ZNF14: variants seen among roughly 807,000 people sequenced by gnomAD.
ZNF14 encodes gonadotropin inducible transcription repressor-4.
Under a neutral mutation model 11.3 loss-of-function variants are expected in ZNF14, and 9 were observed. The ratio of observed to expected loss-of-function variants is 0.80; its 90% CI spans 0.48 to 1.39. The LOEUF (loss-of-function observed/expected upper bound fraction) is 1.39, where lower values mean the gene tolerates loss of function less well. ZNF14 is among the 40% of genes most tolerant of loss of function. The pLI, the probability that ZNF14 is intolerant of heterozygous loss-of-function variation, is 0.00. For missense variants in ZNF14, 711 were observed against 763.9 expected, an observed-to-expected ratio of 0.93 and a Z score of 0.82; for synonymous variants, 239 against 245.7, an observed-to-expected ratio of 0.97 and a Z score of 0.25.
intron 1 of ZNF14, among the ~76,000 whole-genome samples, chr19:19,726,953 G>T (rs1429568294): frequency 7.5e-6 from 1 of 133,724 alleles, no homozygotes; most frequent in Non-Finnish European, 1.7e-5. Context: ...TATTAGGGTG[G>T]AAGTGTCCCG....
Position 19,711,305 on chromosome 19 carries a change from CAGA to C in ZNF14, c.*44_*46del. Reference sequence around the variant, plus strand: ...TCCAGTATGAACTCTTTTGTGTATTCAGAAGGAGCTGGAACAACCGAAGGCTTC... The same window carrying C: ...TCCAGTATGAACTCTTTTGTGTATTCAGGAGCTGGAACAACCGAAGGCTTC... On this transcript the variant is annotated 3_prime_UTR_variant, in exon 4 of 4. Coordinates refer to ENST00000344099, the MANE Select transcript of ZNF14 (RefSeq NM_021030.3). 2 of 1,516,438 alleles carry C rather than the reference CAGA, an allele frequency of 1.3e-6. No individual in the cohort carries two copies. The highest frequency in any genetic ancestry group is 1.4e-5 in the South Asian group (1 of 72,944). 93.9% of individuals were successfully genotyped at this position (1,516,438 alleles called of 1,614,324 possible). A position where few individuals can be genotyped will look rare whatever the true frequency, so the allele number is the denominator to read the frequency against.
intron 1 of ZNF14, among the ~76,000 whole-genome samples, chr19:19,723,042 C>T (rs2062397250): frequency 1.3e-5 from 2 of 152,162 alleles, no homozygotes; most frequent in Admixed American, 1.3e-4. Flanking sequence ...ATTTGACTTC[C>T]TCTTTTCCTA....
intron 1 of ZNF14, among the ~76,000 whole-genome samples, chr19:19,715,813 T>C (rs565283686): frequency 2.6e-5 from 4 of 152,346 alleles, no homozygotes; most frequent in South Asian, 2.1e-4. Context: ...TTTTTGCTTA[T>C]ACATTTTTAA....
intron 3 of ZNF14, among the ~76,000 whole-genome samples, 183 bp downstream of exon 3, chr19:19,713,908 T>G (rs2145094236): frequency 6.6e-6 from 1 of 152,216 alleles, no homozygotes; most frequent in South Asian, 2.1e-4. Context: ...ATAAAAGGGG[T>G]TTCTAAATGC....
At chr19:19,715,123 A>G (rs1459676311) in intron 1 of ZNF14, among the ~76,000 whole-genome samples, 1 of 152,264 alleles carries the variant, frequency 6.6e-6, no homozygotes, top group East Asian at 1.9e-4. Context: ...ACAAATTTTA[A>G]GACCATTAAT....
chr19:19,724,940 C>T lies in ZNF14; in HGVS notation c.3+8016G>A, dbSNP rs1379687780. 4.5e-5 allele frequency among the ~76,000 whole-genome samples: 6 copies of T among 133,222 alleles called. 2 individuals carry two copies. The highest frequency in any genetic ancestry group is 1.4e-4 in the African/African-American group (5 of 35,962). 87.4% of individuals were successfully genotyped at this position (133,222 alleles called of 152,430 possible). On this transcript the variant is annotated intron_variant, in intron 1 of 3. Transcript: ENST00000344099. Reference sequence around the variant, plus strand: ...TTTGTTTTCCATTTGGTTGGTAGATCTTCCTTTGTCCCTTTATCTTGAGCC... The same window carrying T: ...TTTGTTTTCCATTTGGTTGGTAGATTTTCCTTTGTCCCTTTATCTTGAGCC...
chr19:19,719,910 T>A (rs2062387946), intron 1 of ZNF14, among the ~76,000 whole-genome samples: 1 of 152,046 alleles, frequency 6.6e-6, no homozygotes, highest in Non-Finnish European at 1.5e-5. Context: ...ATGCTAACAC[T>A]AAGAAAAAGA....
chr19:19,720,062 CAG>C lies in ZNF14; in HGVS notation c.4-5577_4-5576del, dbSNP rs1324102909. ...TCCTTAGTGTGTATGTGCATAAAAA[CAG>C]AGTGGCAAAATAATGAGGCAAAACT... On this transcript the variant is annotated intron_variant, in intron 1 of 3. Coordinates refer to ENST00000344099, the MANE Select transcript of ZNF14 (RefSeq NM_021030.3). The surrounding 1 kb of genome is among the most constrained non-coding windows in gnomAD (Gnocchi z 4.1). Among the ~76,000 whole-genome samples the C allele has an allele frequency of 1.3e-5, 2 of 152,084 alleles. No homozygotes were observed. Among genetic ancestry groups the C allele is most frequent in the Non-Finnish European group, 1.5e-5 (1 of 68,024 alleles).
intron 1 of ZNF14, among the ~76,000 whole-genome samples, chr19:19,715,267 C>T (rs925694650): frequency 6.6e-6 from 1 of 152,058 alleles, no homozygotes; most frequent in Non-Finnish European, 1.5e-5. Context: ...TTCTTTTATT[C>T]CCATCAACAA....
At chr19:19,732,211 T>C (rs1279556962) in intron 1 of ZNF14, among the ~76,000 whole-genome samples, 4 of 152,144 alleles carry the variant, frequency 2.6e-5, no homozygotes, top group African/African-American at 9.7e-5. Flanking sequence ...TAAAAGAACC[T>C]GAACAAGCTC....
intron 1 of ZNF14, among the ~76,000 whole-genome samples, chr19:19,715,672 C>T (rs1978716): frequency 0.2 from 30,000 of 152,152 alleles, 3,722 homozygotes; most frequent in East Asian, 0.27. Flanking sequence ...GCTAGAGAAA[C>T]AGTCTTCACA....
rs1327549356 is a variant in ZNF14 at position 19,711,166 on chromosome 19, T to G, written c.*186A>C. 12 of 550,420 alleles carry G rather than the reference T, an allele frequency of 2.2e-5. No homozygotes were observed. Among genetic ancestry groups the G allele is most frequent in the Admixed American group, 1.1e-4 (3 of 26,718 alleles). The allele number at this position is 550,420 out of a possible 1,614,324, so 34.1% of individuals were successfully genotyped here. A position where few individuals can be genotyped will look rare whatever the true frequency, so the allele number is the denominator to read the frequency against. On this transcript the variant is annotated 3_prime_UTR_variant, in exon 4 of 4. Transcript: ENST00000344099. ...AAATGAATTAGGTCAACTGAAGGCT[T>G]AATCACAATGTTTACATTCATACTG...
intron 1 of ZNF14, among the ~76,000 whole-genome samples, chr19:19,721,315 G>T (rs1423760332): frequency 6.6e-6 from 1 of 152,138 alleles, no homozygotes; most frequent in African/African-American, 2.4e-5. Context: ...GGAAGACAAT[G>T]ATACAAAGAT....
At position 19,732,901 on chromosome 19, in the gene ZNF14, C is replaced by A. The variant is rs768003468; in HGVS notation, c.3+55G>T. ...ACTGCAAGGAGGTCCCCGGCCTCGG[C>A]CACAGACGGTTCCAACCAGAAACCT... On this transcript the variant is annotated intron_variant, in intron 1 of 3. Coordinates refer to ENST00000344099, the MANE Select transcript of ZNF14 (RefSeq NM_021030.3). 29 of 1,609,780 alleles carry A rather than the reference C, an allele frequency of 1.8e-5. 1 individual carries two copies. Among genetic ancestry groups the A allele is most frequent in the Non-Finnish European group, 2.3e-5 (27 of 1,177,282 alleles).
rs3031866 is a variant in ZNF14, at chr19:19,714,713, CT to C, written c.4-227del. ...TTTTTTCTTTTTCCTTTTTCTTTTT[CT>C]TTTTTTTTTTTTTTTGAGACAGAGT... On this transcript the variant is annotated intron_variant, in intron 1 of 3. Coordinates refer to ENST00000344099, the MANE Select transcript of ZNF14 (RefSeq NM_021030.3). Among the ~76,000 whole-genome samples the C allele has an allele frequency of 7.9e-4, 97 of 122,824 alleles. 1 individual carries two copies. The highest frequency in any genetic ancestry group is 2.7e-3 in the South Asian group (10 of 3,700). The allele number at this position is 122,824 out of a possible 152,430, so 80.6% of individuals were successfully genotyped here. A position where few individuals can be genotyped will look rare whatever the true frequency, so the allele number is the denominator to read the frequency against.
At position 19,712,217 on chromosome 19, in the gene ZNF14, C is replaced by T; in HGVS notation, c.1064G>A (p.Arg355Lys). 1 of 1,613,964 alleles carries T rather than the reference C, an allele frequency of 6.2e-7. No homozygotes were observed. Among genetic ancestry groups the T allele is most frequent in the Non-Finnish European group, 8.5e-7 (1 of 1,179,978 alleles). The change falls in exon 4 of 4, where the codon AGA (arginine) becomes AAA (lysine). Residue 355 changes from arginine to lysine, a missense_variant. Coordinates refer to ENST00000344099, the MANE Select transcript of ZNF14 (RefSeq NM_021030.3). ...NSSNSCRVHERTHIGEKPYEC... is the reference protein window; with the variant it reads ...NSSNSCRVHEKTHIGEKPYEC... ...ATATGGTTTTTCTCCAATATGAGTTCTTTCATGCACTCGACAGGAATTAGA... is the reference window on the plus strand; with the variant it reads ...ATATGGTTTTTCTCCAATATGAGTTTTTTCATGCACTCGACAGGAATTAGA...
chr19:19,714,215 T>C, intron 2 of ZNF14, 64 bp from the exon 3 acceptor site: 1 of 1,588,820 alleles, frequency 6.3e-7, no homozygotes, highest in African/African-American at 1.3e-5. Flanking sequence ...TGTTACAGTC[T>C]AGTTTCATGA....
chr19:19,722,049 A>G (rs1273289885), intron 1 of ZNF14, among the ~76,000 whole-genome samples: 1 of 151,880 alleles, frequency 6.6e-6, no homozygotes, highest in Admixed American at 6.6e-5. Flanking sequence ...CACCTCTGCT[A>G]GTCATCAGAG....
At chr19:19,727,482 C>T (rs1265436132) in intron 1 of ZNF14, among the ~76,000 whole-genome samples, 1 of 131,894 alleles carries the variant, frequency 7.6e-6, no homozygotes, top group Non-Finnish European at 1.7e-5. Context: ...ACAACAACTA[C>T]TACTACTACT....
Sources: allele counts gnomAD v4.1 joint callset (sites outside exome capture counted in the v4.1 genomes callset), GRCh38; gene constraint gnomAD v4.1.1; non-coding constraint Gnocchi (gnomAD v3.1); transcripts MANE v1.5; gene names NCBI Gene and HGNC (gene_info 2026-07-23, HGNC 2026-07-21).